DPP10: variants seen among roughly 807,000 people sequenced by gnomAD.
DPP10 encodes inactive dipeptidyl peptidase 10.
DPP10 carries 33 observed loss-of-function variants against 120.9 expected under a neutral mutation model. That is an observed-to-expected ratio of 0.27 (90% CI 0.21 to 0.37). The LOEUF is 0.37. DPP10 is among the 10% of genes least tolerant of loss of function. DPP10 has a pLI of 1.00. For missense variants in DPP10, 816 were observed against 942.8 expected, an observed-to-expected ratio of 0.87 and a Z score of 1.76; for synonymous variants, 337 against 326.1, an observed-to-expected ratio of 1.03 and a Z score of -0.36.
intron 1 of DPP10, among the ~76,000 whole-genome samples, chr2:114,927,992 C>T (rs1202065925): frequency 6.6e-6 from 1 of 152,140 alleles, no homozygotes; most frequent in Non-Finnish European, 1.5e-5. Flanking sequence ...CCCTCCCCAC[C>T]AGGGAAGGCA....
intron 1 of DPP10, among the ~76,000 whole-genome samples, chr2:114,682,064 A>G (rs1699062988): frequency 6.6e-6 from 1 of 151,976 alleles, no homozygotes; most frequent in African/African-American, 2.4e-5. Context: ...GCTGAAAATT[A>G]AGGCACAAGT....
chr2:114,680,219 T>A (rs183494455), intron 1 of DPP10, among the ~76,000 whole-genome samples: 18 of 152,088 alleles, frequency 1.2e-4, no homozygotes, highest in African/African-American at 4.3e-4. Context: ...AATAAAAACT[T>A]TTCATGTTCC....
At chr2:115,130,974 C>G (rs562951896) in intron 1 of DPP10, 1 of 152,306 alleles carries the variant, frequency 6.6e-6, no homozygotes, top group South Asian at 2.1e-4. Context: ...TTTTCTTTCT[C>G]CTTACCCACA....
At chr2:115,553,668 C>T (rs900312179) in intron 5 of DPP10, among the ~76,000 whole-genome samples, 1 of 151,840 alleles carries the variant, frequency 6.6e-6, no homozygotes, top group East Asian at 1.9e-4. Flanking sequence ...GAACAAATGG[C>T]ATATTATACT....
At chr2:114,966,364 C>T (rs1170261052) in intron 1 of DPP10, among the ~76,000 whole-genome samples, 2 of 152,092 alleles carry the variant, frequency 1.3e-5, no homozygotes, top group Admixed American at 1.3e-4. Context: ...TGCAGGGTTA[C>T]TTTTTTGCAC....
At chr2:114,669,334 T>A (rs1012813492) in intron 1 of DPP10, among the ~76,000 whole-genome samples, 3 of 152,260 alleles carry the variant, frequency 2.0e-5, no homozygotes, top group South Asian at 4.1e-4. Flanking sequence ...GCTAATAATA[T>A]ATGTAGGTGT....
At chr2:114,964,540 T>A (rs1409224293) in intron 1 of DPP10, among the ~76,000 whole-genome samples, 1 of 151,318 alleles carries the variant, frequency 6.6e-6, no homozygotes, top group Non-Finnish European at 1.5e-5. Context: ...CTAGGAGACA[T>A]GAAAGAATGA....
chr2:114,897,768 T>G (rs540214781), intron 1 of DPP10, among the ~76,000 whole-genome samples: 1 of 152,150 alleles, frequency 6.6e-6, no homozygotes, highest in East Asian at 1.9e-4. Flanking sequence ...CACTGGCCAT[T>G]AGAGAAATGC....
intron 2 of DPP10, among the ~76,000 whole-genome samples, chr2:115,326,426 C>T (rs2062369150): frequency 6.6e-6 from 1 of 152,020 alleles, no homozygotes; most frequent in South Asian, 2.1e-4. Context: ...TGATAATAGA[C>T]TACTACATTA....
At chr2:115,698,567 C>T (rs182262464) in intron 7 of DPP10, among the ~76,000 whole-genome samples, 2 of 152,194 alleles carry the variant, frequency 1.3e-5, no homozygotes, top group African/African-American at 4.8e-5. Context: ...GAAGATCTCT[C>T]ACTCTTTCTC....
intron 1 of DPP10, among the ~76,000 whole-genome samples, chr2:114,469,930 G>T (rs1679766977): frequency 6.6e-6 from 1 of 152,090 alleles, no homozygotes; most frequent in African/African-American, 2.4e-5. Context: ...GGGGGACAGG[G>T]GTTATTATGG....
intron 24 of DPP10, among the ~76,000 whole-genome samples, chr2:115,838,531 G>C (rs1689764453): frequency 6.6e-6 from 1 of 152,148 alleles, no homozygotes; most frequent in African/African-American, 2.4e-5. Context: ...TTTATTCACT[G>C]TGCCCTGAAG....
At chr2:115,590,606 C>T (rs1244158094) in intron 5 of DPP10, among the ~76,000 whole-genome samples, 1 of 152,116 alleles carries the variant, frequency 6.6e-6, no homozygotes, top group Non-Finnish European at 1.5e-5. Context: ...TTTGCTATTG[C>T]AAATAGTGCC....
intron 5 of DPP10, among the ~76,000 whole-genome samples, chr2:115,670,103 T>A (rs978750323): frequency 2.0e-5 from 3 of 152,082 alleles, no homozygotes; most frequent in African/African-American, 4.8e-5. Flanking sequence ...TCTCATTGGA[T>A]CTTCACATAA....
chr2:115,189,635 A>C (rs1306306702), intron 1 of DPP10, among the ~76,000 whole-genome samples: 1 of 151,868 alleles, frequency 6.6e-6, no homozygotes, highest in Non-Finnish European at 1.5e-5. Context: ...CTTCCTTAAC[A>C]TGACTTGGCT....
chr2:115,234,200 CCTCT>C (rs989071805), intron 1 of DPP10, among the ~76,000 whole-genome samples: 13 of 151,976 alleles, frequency 8.6e-5, no homozygotes, highest in Non-Finnish European at 1.3e-4. Flanking sequence ...GCTCTCTCTC[CCTCT>C]CTCTCCTTTT....
intron 1 of DPP10, among the ~76,000 whole-genome samples, chr2:114,484,931 T>G (rs1681370963): frequency 1.3e-5 from 2 of 151,608 alleles, no homozygotes; most frequent in Non-Finnish European, 2.9e-5. Flanking sequence ...ATTGGGCTGC[T>G]TCTAAGATTT....
At chr2:115,803,694 C>T (rs1046490672) in intron 19 of DPP10, among the ~76,000 whole-genome samples, 37 of 152,094 alleles carry the variant, frequency 2.4e-4, no homozygotes, top group African/African-American at 8.5e-4. Flanking sequence ...GTATGAAGCT[C>T]AGTTTGGCTG....
chr2:114,723,939 A>C (rs1220863097), intron 1 of DPP10, among the ~76,000 whole-genome samples: 14 of 152,208 alleles, frequency 9.2e-5, no homozygotes, highest in Admixed American at 9.2e-4. Context: ...TCCCCTCTGC[A>C]CACCCATATA....
Sources: gnomAD v4.1 joint callset for allele counts (sites outside exome capture counted in the v4.1 genomes callset) on GRCh38, gnomAD v4.1.1 for gene constraint, MANE v1.5 for transcripts, NCBI Gene and HGNC (gene_info 2026-07-23, HGNC 2026-07-21) for gene names.